The following GABRG3 variants were observed in gnomAD, a reference collection of about 807,000 sequenced individuals.
GABRG3 encodes the protein gamma-aminobutyric acid type A receptor subunit gamma3, also known as gamma-aminobutyric acid receptor subunit gamma-3.
A neutral mutation model predicts 48.8 loss-of-function variants in GABRG3; 25 were observed. The ratio of observed to expected loss-of-function variants is 0.51; its 90% CI spans 0.37 to 0.72. The LOEUF is 0.72. GABRG3 is among the 30% of genes least tolerant of loss of function. The pLI is 0.00. For synonymous variants in GABRG3, 227 were observed against 217.6 expected, an observed-to-expected ratio of 1.04 and a Z score of -0.38; for missense variants, 394 against 577.9, an observed-to-expected ratio of 0.68 and a Z score of 3.26.
chr15:27,409,606 G>C (rs1295539218), intron 5 of GABRG3, among the ~76,000 whole-genome samples: 2 of 152,102 alleles, frequency 1.3e-5, no homozygotes, highest in African/African-American at 2.4e-5. Flanking sequence ...TTTTGGAATA[G>C]CTTATCTTAT....
At chr15:27,100,110 G>A (rs1377561587) in intron 3 of GABRG3, among the ~76,000 whole-genome samples, 2 of 151,610 alleles carry the variant, frequency 1.3e-5, no homozygotes, top group African/African-American at 4.8e-5. Context: ...CTCAGCTACT[G>A]GGGAGGCTGA....
chr15:27,364,097 T>C (rs1895112920), intron 5 of GABRG3: 1 of 152,230 alleles, frequency 6.6e-6, no homozygotes, highest in Admixed American at 6.5e-5. Context: ...GGTATCATGG[T>C]ATGTACATGT....
intron 3 of GABRG3, among the ~76,000 whole-genome samples, chr15:27,049,877 C>T (rs1896427989): frequency 6.6e-6 from 1 of 152,192 alleles, no homozygotes; most frequent in Non-Finnish European, 1.5e-5. Flanking sequence ...CCTGTGTGCC[C>T]TCCCTGGGCC....
At chr15:27,269,609 T>C (rs948202725) in intron 3 of GABRG3, among the ~76,000 whole-genome samples, 1 of 152,236 alleles carries the variant, frequency 6.6e-6, no homozygotes, top group African/African-American at 2.4e-5. Context: ...TCTATGTGAC[T>C]ACAAGACTCT....
chr15:27,112,774 G>C (rs1054839577), intron 3 of GABRG3, among the ~76,000 whole-genome samples: 1 of 152,090 alleles, frequency 6.6e-6, no homozygotes, highest in Non-Finnish European at 1.5e-5. Flanking sequence ...ATTTTGTGAT[G>C]CTTTTATGTC....
chr15:27,193,801 G>A (rs541301334), intron 3 of GABRG3, among the ~76,000 whole-genome samples: 2 of 152,274 alleles, frequency 1.3e-5, no homozygotes, highest in South Asian at 2.1e-4. Flanking sequence ...GAAATCACCC[G>A]TTTTCTGCGT....
chr15:27,108,833 A>G (rs1331859806), intron 3 of GABRG3, among the ~76,000 whole-genome samples: 1 of 151,950 alleles, frequency 6.6e-6, no homozygotes. Flanking sequence ...GATCCTCCTC[A>G]TTTCTAATAA....
chr15:27,512,076 A>G (rs1890909101), intron 6 of GABRG3, among the ~76,000 whole-genome samples: 1 of 152,202 alleles, frequency 6.6e-6, no homozygotes, highest in African/African-American at 2.4e-5. Context: ...CTTAGTATTA[A>G]TCTCAATGAG....
chr15:27,369,304 A>G (rs1895315771), intron 5 of GABRG3, among the ~76,000 whole-genome samples: 1 of 152,218 alleles, frequency 6.6e-6, no homozygotes, highest in African/African-American at 2.4e-5. Flanking sequence ...CCCAGAGCAA[A>G]TGTCATGTAA....
At chr15:27,003,666 CCCA>C (rs1422013547) in intron 2 of GABRG3, among the ~76,000 whole-genome samples, 1 of 152,188 alleles carries the variant, frequency 6.6e-6, no homozygotes, top group African/African-American at 2.4e-5. Flanking sequence ...CAATCTTTTC[CCCA>C]CCTTTCCCCC....
At chr15:27,392,562 C>T (rs140826453) in intron 5 of GABRG3, among the ~76,000 whole-genome samples, 19 of 152,288 alleles carry the variant, frequency 1.2e-4, no homozygotes, top group South Asian at 4.1e-4. Flanking sequence ...GTGTCTGCCA[C>T]GTTGCTTCCC....
chr15:27,351,724 G>GTA (rs1369408630), intron 5 of GABRG3, among the ~76,000 whole-genome samples: 5 of 149,504 alleles, frequency 3.3e-5, no homozygotes, highest in South Asian at 4.2e-4. Context: ...GTGTGTGTGT[G>GTA]TATATATATG....
At chr15:27,341,733 A>G (rs575807089) in intron 5 of GABRG3, among the ~76,000 whole-genome samples, 1 of 152,082 alleles carries the variant, frequency 6.6e-6, no homozygotes, top group Non-Finnish European at 1.5e-5. Context: ...GGCTATTGTT[A>G]CCCCATTATT....
chr15:27,454,992 A>T (rs921586161), intron 5 of GABRG3, among the ~76,000 whole-genome samples: 2 of 152,188 alleles, frequency 1.3e-5, no homozygotes, highest in African/African-American at 2.4e-5. Context: ...CATTCGTTTG[A>T]CTTCAATAAA....
intron 3 of GABRG3, among the ~76,000 whole-genome samples, chr15:27,100,285 A>G (rs182332814): frequency 3.2e-4 from 49 of 152,260 alleles, no homozygotes; most frequent in African/African-American, 1.2e-3. Flanking sequence ...TACCAATAAA[A>G]GAAGTGGAAA....
intron 3 of GABRG3, among the ~76,000 whole-genome samples, chr15:27,122,809 T>G (rs1297128837): frequency 6.6e-6 from 1 of 152,308 alleles, no homozygotes; most frequent in East Asian, 1.9e-4. Flanking sequence ...CACTTGAAGC[T>G]TAGTAAAGCA....
intron 5 of GABRG3, among the ~76,000 whole-genome samples, chr15:27,354,204 G>T (rs1009317383): frequency 6.6e-5 from 10 of 152,154 alleles, no homozygotes; most frequent in Admixed American, 3.9e-4. Flanking sequence ...AGGTAGCATG[G>T]TGAGCTACTC....
intron 2 of GABRG3, among the ~76,000 whole-genome samples, chr15:26,997,121 T>A (rs1040014922): frequency 6.6e-6 from 1 of 152,226 alleles, no homozygotes; most frequent in Admixed American, 6.5e-5. Flanking sequence ...CCTGTGAATT[T>A]TTCATTTTGA....
chr15:27,006,771 C>T (rs1458350671), intron 2 of GABRG3, among the ~76,000 whole-genome samples: 4 of 152,064 alleles, frequency 2.6e-5, no homozygotes, highest in Admixed American at 6.6e-5. Context: ...GTTTTCTGTT[C>T]CTGCATTAGT....
Sources: gnomAD v4.1 joint callset for allele counts (sites outside exome capture counted in the v4.1 genomes callset) on GRCh38, gnomAD v4.1.1 for gene constraint, MANE v1.5 for transcripts, NCBI Gene and HGNC (gene_info 2026-07-23, HGNC 2026-07-21) for gene names.